NPC1: variants seen among roughly 807,000 people sequenced by gnomAD.
NPC1 encodes Niemann-Pick C1 protein.
Under a neutral mutation model 140.4 loss-of-function variants are expected in NPC1, and 85 were observed. That is an observed-to-expected ratio of 0.61 (90% CI 0.51 to 0.72). The LOEUF (loss-of-function observed/expected upper bound fraction) is 0.72. Ranked by LOEUF, NPC1 falls within the 30% of genes least tolerant of loss-of-function variation. The probability of loss-of-function intolerance (pLI) is 0.00; values close to 1 mark genes in which losing one functional copy is unlikely to be tolerated. For synonymous variants in NPC1, 656 were observed against 624.8 expected, an observed-to-expected ratio of 1.05 and a Z score of -0.74; for missense variants, 1,504 against 1,623.8, an observed-to-expected ratio of 0.93 and a Z score of 1.27.
At chr18:23,571,630 G>A (rs1227322014) in intron 3 of NPC1, among the ~76,000 whole-genome samples, 4 of 149,240 alleles carry the variant, frequency 2.7e-5, no homozygotes, top group African/African-American at 5.0e-5. Context: ...CTCCAGCCTC[G>A]GTGACAGAGC....
intron 3 of NPC1, among the ~76,000 whole-genome samples, chr18:23,515,228 C>T (rs1168606978): frequency 1.3e-5 from 2 of 152,072 alleles, no homozygotes; most frequent in South Asian, 4.2e-4. Context: ...CATGTGGAGG[C>T]ACAGATAAGG....
At position 23,536,668 on chromosome 18, in the gene NPC1, T is replaced by C; in HGVS notation, c.3245+5A>G. On this transcript the variant is annotated splice_donor_5th_base_variant and intron_variant, in intron 21 of 24. Transcript: ENST00000269228. ...TAAACCCCATTGAAAAAGGGCAGGCTTTACCTGTAAGGAAATACTCGGTAG... is the reference window on the plus strand; with the variant it reads ...TAAACCCCATTGAAAAAGGGCAGGCCTTACCTGTAAGGAAATACTCGGTAG... 2 of 1,613,202 alleles carry C rather than the reference T, an allele frequency of 1.2e-6. No homozygotes were observed. Among genetic ancestry groups the C allele is most frequent in the Middle Eastern group, 1.7e-4 (1 of 6,060 alleles).
chr18:23,562,194 C>T (rs947259838), intron 4 of NPC1, among the ~76,000 whole-genome samples: 2 of 151,256 alleles, frequency 1.3e-5, no homozygotes, highest in South Asian at 2.1e-4. Flanking sequence ...GAGGCTGAGG[C>T]GGGAGAATGG....
At chr18:23,524,457 T>G (rs1446548223), downstream of NPC1, 4 of 1,614,012 alleles carry the variant, frequency 2.5e-6, no homozygotes, top group Non-Finnish European at 1.7e-6. Flanking sequence ...TCTTTCAACC[T>G]GACATCATTA....
chr18:23,550,480 T>TTTTTTTTTTTTC (rs2058855186), intron 10 of NPC1, among the ~76,000 whole-genome samples: 1 of 50,506 alleles, frequency 2.0e-5, no homozygotes, highest in South Asian at 8.6e-4. Flanking sequence ...CTTACATTTC[T>TTTTTTTTTTTTC]TTTTTTTTTT....
intron 11 of NPC1, 46 bp from the exon 12 acceptor site, chr18:23,545,195 A>T: frequency 7.2e-7 from 1 of 1,381,324 alleles, no homozygotes; most frequent in South Asian, 1.2e-5. Flanking sequence ...ACTAACTGAC[A>T]GCTAAGTAAG....
chr18:23,582,837 A>G (rs1052198147), intron 1 of NPC1, among the ~76,000 whole-genome samples: 1 of 151,426 alleles, frequency 6.6e-6, no homozygotes, highest in Non-Finnish European at 1.5e-5. Flanking sequence ...CAGGGCCAGC[A>G]CGGTGGCTCA....
At chr18:23,526,486 CTTTGG>C (rs1048274906), downstream of NPC1, 50 of 905,478 alleles carry the variant, frequency 5.5e-5, no homozygotes, top group Admixed American at 1.4e-3. Context: ...CTCAGCTCTG[CTTTGG>C]TTAGGAAGGA....
chr18:23,564,352 CTTT>C (rs201248333), intron 4 of NPC1, among the ~76,000 whole-genome samples: 1 of 151,652 alleles, frequency 6.6e-6, no homozygotes, highest in African/African-American at 2.4e-5. Flanking sequence ...TATTCTTGTC[CTTT>C]TTTTTGAGAC....
At chr18:23,524,204 A>G in intron 1 of NPC1, 1 of 1,611,486 alleles carries the variant, frequency 6.2e-7, no homozygotes. Context: ...GGCACCGTGC[A>G]CAACAGGGCA....
At chr18:23,523,543 CAAAAAAAAAA>C (rs374224848) in intron 1 of NPC1, among the ~76,000 whole-genome samples, 68 of 76,406 alleles carry the variant, frequency 8.9e-4, no homozygotes, top group South Asian at 4.6e-4. Flanking sequence ...CTTGTCTTCA[CAAAAAAAAAA>C]AAAAAAAAAA....
downstream of NPC1, chr18:23,524,415 C>G (rs1180045074): frequency 6.2e-7 from 1 of 1,613,778 alleles, no homozygotes; most frequent in Non-Finnish European, 8.5e-7. Flanking sequence ...TTTAGAATTT[C>G]CTATAACATG....
chr18:23,520,330 A>C, downstream of NPC1: 3 of 1,590,950 alleles, frequency 1.9e-6, no homozygotes, highest in Non-Finnish European at 2.6e-6. Context: ...CGGGTTCTGT[A>C]GAGGAGTCTG....
intron 3 of NPC1, chr18:23,509,156 T>G: frequency 1.2e-6 from 1 of 835,464 alleles, no homozygotes; most frequent in Middle Eastern, 3.8e-4. Context: ...GTGTTTTTTC[T>G]TATTAATTAA....
downstream of NPC1, chr18:23,529,562 T>A (rs185163877): frequency 1.7e-5 from 23 of 1,385,026 alleles, no homozygotes; most frequent in East Asian, 3.9e-4. Flanking sequence ...AAGGTGGGGG[T>A]TGGATAGAGA....
rs768629263 is a variant in NPC1, at chr18:23,544,951, C to CT, written c.1947+8_1947+9insA. ...CCTCTAGAACATACACCACCCCCCC[C>CT]CGGCTTACCAGAAGCCTGCGACAGC... On this transcript the variant is annotated intron_variant, in intron 12 of 24. Transcript: ENST00000269228. 7 of 1,436,006 alleles carry CT rather than the reference C, an allele frequency of 4.9e-6. No homozygotes were observed. The Admixed American group carries it at 1.2e-4, about 25-fold the overall frequency. 89.0% of individuals were successfully genotyped at this position (1,436,006 alleles called of 1,614,324 possible). A position where few individuals can be genotyped will look rare whatever the true frequency, so the allele number is the denominator to read the frequency against.
intron 19 of NPC1, chr18:23,538,955 G>T: frequency 2.1e-6 from 1 of 475,070 alleles, no homozygotes; most frequent in Non-Finnish European, 3.8e-6. Flanking sequence ...TCAGAGCCCG[G>T]GGCTTCTATG....
rs193272276 is a variant in NPC1 at position 23,564,644 on chromosome 18, G to A, written c.464-3117C>T. Among the ~76,000 whole-genome samples, 731 of 152,204 alleles carry A rather than the reference G, an allele frequency of 4.8e-3. 4 individuals carry two copies. Among genetic ancestry groups the A allele is most frequent in the African/African-American group, 0.017 (697 of 41,532 alleles). On this transcript the variant is annotated intron_variant, in intron 4 of 24. Coordinates refer to ENST00000269228, the MANE Select transcript of NPC1 (RefSeq NM_000271.5). Reference sequence around the variant, plus strand: ...GGCCTTCTTGTCTTTTCTTGATGGCGTCCTCTGAAATACAAACTTTTTTAT... The same window carrying A: ...GGCCTTCTTGTCTTTTCTTGATGGCATCCTCTGAAATACAAACTTTTTTAT...
chr18:23,541,159 G>C lies in NPC1; in HGVS notation c.2423C>G (p.Thr808Arg). 1 of 1,614,184 alleles carries C rather than the reference G, an allele frequency of 6.2e-7. No individual in the cohort carries two copies. Among genetic ancestry groups the C allele is most frequent in the Non-Finnish European group, 8.5e-7 (1 of 1,180,028 alleles). Residue 808 changes from threonine to arginine, a missense_variant, in exon 16 of 25, where the codon ACA (threonine) becomes AGA (arginine). By Grantham distance (71) the Thr-to-Arg change is moderately conservative. Transcript: ENST00000269228. ...FCCVRGAEDGTSVQASESCLF... is the reference protein window; with the variant it reads ...FCCVRGAEDGRSVQASESCLF... The stretch of plus-strand genomic sequence containing the variant: ...ACAGCTCTCTGAGGCCTGGACGCTT[G>C]TTCCATCTTCAGCACCTCTGACACA...
Sources: gnomAD v4.1 joint callset for allele counts (sites outside exome capture counted in the v4.1 genomes callset) on GRCh38, gnomAD v4.1.1 for gene constraint, MANE v1.5 for transcripts, NCBI Gene and HGNC (gene_info 2026-07-23, HGNC 2026-07-21) for gene names.